Variants in LIPG observed in about 807,000 individuals in gnomAD.
LIPG encodes lipase G, endothelial type.
Under a neutral mutation model 51.8 loss-of-function variants are expected in LIPG, and 34 were observed. The observed-to-expected ratio is 0.66, with a 90% CI of 0.50 to 0.87. The LOEUF (loss-of-function observed/expected upper bound fraction) is 0.87. Among genes scored for constraint, LIPG ranks in the 40% least tolerant of loss-of-function variants. The pLI, the probability that LIPG is intolerant of heterozygous loss-of-function variation, is 0.00. For synonymous variants in LIPG, 246 were observed against 246.1 expected, an observed-to-expected ratio of 1.00 and a Z score of 0.00; for missense variants, 580 against 652.7, an observed-to-expected ratio of 0.89 and a Z score of 1.21.
intron 4 of LIPG, among the ~76,000 whole-genome samples, chr18:49,572,818 A>G (rs946716413): frequency 1.3e-5 from 2 of 151,876 alleles, no homozygotes; most frequent in Non-Finnish European, 2.9e-5. Context: ...GAAGTTTTAC[A>G]TGTGTGCATG....
chr18:49,561,619 C>G (rs2084550358), upstream of LIPG: 52 of 1,174,224 alleles, frequency 4.4e-5, no homozygotes, highest in South Asian at 2.0e-3. Flanking sequence ...TCTCCCCCGA[C>G]GGACTCCCGG....
chr18:49,592,649 A>C lies in LIPG; in HGVS notation c.*2127A>C, dbSNP rs1013543122. On this transcript the variant is annotated 3_prime_UTR_variant, in exon 10 of 10. Transcript: ENST00000261292. Reference sequence around the variant, plus strand: ...GCTCAACCCATATTATTGGCTGTACATCCTGGTCACTTCTGACTTCTGTTT... The same window carrying C: ...GCTCAACCCATATTATTGGCTGTACCTCCTGGTCACTTCTGACTTCTGTTT... The C allele has an allele frequency of 2.6e-5, 4 of 152,616 alleles. No individual in the cohort carries two copies. The East Asian group carries it at 7.6e-4, about 29-fold the overall frequency. The allele number at this position is 152,616 out of a possible 1,614,324, so 9.5% of individuals were successfully genotyped here.
In LIPG at chr18:49,562,257, G is replaced by T. The variant is rs895597013; in HGVS notation, c.-52G>T. 4.3e-6 allele frequency: 7 copies of T among 1,612,078 alleles called. No individual in the cohort carries two copies. Among genetic ancestry groups the T allele is most frequent in the Non-Finnish European group, 5.1e-6 (6 of 1,179,918 alleles). ...GGATTGCTGGAAACACCAAGAGGTG[G>T]TTTTTGTTTTTTAAAACTTCTGTTT... is the stretch of plus-strand genomic sequence containing the variant. On this transcript the variant is annotated 5_prime_UTR_variant, in exon 1 of 10. Coordinates refer to ENST00000261292, the MANE Select transcript of LIPG (RefSeq NM_006033.4).
In LIPG at chr18:49,590,578, C is replaced by A. The variant is rs2084931950; in HGVS notation, c.*56C>A. The A allele has an allele frequency of 7.1e-6, 11 of 1,554,756 alleles. No individual in the cohort carries two copies. In the South Asian group the frequency reaches 9.4e-5, roughly 13 times the overall value. Reference sequence around the variant, plus strand: ...AGCAAGACTTCCTGCTATCCAAGCCCATGGAGGAAAGTTACTGCTGAGGAC... The same window carrying A: ...AGCAAGACTTCCTGCTATCCAAGCCAATGGAGGAAAGTTACTGCTGAGGAC... On this transcript the variant is annotated 3_prime_UTR_variant, in exon 10 of 10. Transcript: ENST00000261292.
intron 2 of LIPG, 82 bp downstream of exon 2, chr18:49,565,580 T>G: frequency 6.7e-7 from 1 of 1,486,052 alleles, no homozygotes; most frequent in South Asian, 1.2e-5. Flanking sequence ...ATTCTGGTGT[T>G]TCCAGATTCC....
At chr18:49,561,516 G>A (rs746422459), upstream of LIPG, 8 of 445,594 alleles carry the variant, frequency 1.8e-5, no homozygotes, top group Non-Finnish European at 3.0e-5. Context: ...GCTCCGCCGG[G>A]TTATTGTGCG....
Position 49,594,083 on chromosome 18 carries a change from A to G in LIPG, c.*3561A>G, listed in dbSNP as rs952577658. On this transcript the variant is annotated 3_prime_UTR_variant, in exon 10 of 10. Transcript: ENST00000261292. Reference sequence around the variant, plus strand: ...CCCTTCAGTGGTATAGGACACTAGAATTTATTCCTCCTGTCTAGCTGTAAT... The same window carrying G: ...CCCTTCAGTGGTATAGGACACTAGAGTTTATTCCTCCTGTCTAGCTGTAAT... The G allele has an allele frequency of 2.6e-5, 4 of 152,064 alleles. No homozygotes were observed. Among genetic ancestry groups the G allele is most frequent in the Non-Finnish European group, 5.9e-5 (4 of 68,010 alleles). 9.4% of individuals were successfully genotyped at this position (152,064 alleles called of 1,614,324 possible).
At chr18:49,569,086 A>C (rs564102705) in intron 3 of LIPG, among the ~76,000 whole-genome samples, 3 of 152,026 alleles carry the variant, frequency 2.0e-5, no homozygotes, top group Non-Finnish European at 4.4e-5. Flanking sequence ...TGCAGTCTCC[A>C]GTGAGTACGG....
chr18:49,590,461 T>C (rs2143984464), intron 9 of LIPG, 40 bp from the exon 10 acceptor site: 2 of 1,587,786 alleles, frequency 1.3e-6, no homozygotes, highest in Non-Finnish European at 1.7e-6. Context: ...TTTGCTGGTG[T>C]GTGAGCTAAC....
chr18:49,573,888 TG>T (rs1396518863), intron 4 of LIPG, among the ~76,000 whole-genome samples: 2 of 152,170 alleles, frequency 1.3e-5, no homozygotes, highest in African/African-American at 4.8e-5. Context: ...TATTGACATT[TG>T]GGGCCAGGTA....
upstream of LIPG, chr18:49,561,873 G>C: frequency 7.8e-7 from 1 of 1,274,712 alleles, no homozygotes; most frequent in Non-Finnish European, 9.9e-7. Flanking sequence ...GCGGGGCCGA[G>C]CGTGCGGCGT....
In LIPG at chr18:49,575,364, T is replaced by G. The variant is rs2084704500; in HGVS notation, c.572-5T>G. 1 of 1,612,042 alleles carries G rather than the reference T, an allele frequency of 6.2e-7. No homozygotes were observed. Among genetic ancestry groups the G allele is most frequent in the Non-Finnish European group, 8.5e-7 (1 of 1,179,782 alleles). On this transcript the variant is annotated splice_polypyrimidine_tract_variant and splice_region_variant and intron_variant, in intron 4 of 9. Coordinates refer to ENST00000261292, the MANE Select transcript of LIPG (RefSeq NM_006033.4). Reference sequence around the variant, plus strand: ...CAGCTGTTTTGGGGCCTCCTTCTGCTGCAGGTTTGGATCCTGCCGGGCCCA... The same window carrying G: ...CAGCTGTTTTGGGGCCTCCTTCTGCGGCAGGTTTGGATCCTGCCGGGCCCA...
In LIPG at chr18:49,569,419, T is replaced by C. The variant is rs752378673; in HGVS notation, c.460-18T>C. 3.7e-6 allele frequency: 6 copies of C among 1,608,166 alleles called. No homozygotes were observed. Among genetic ancestry groups the C allele is most frequent in the Non-Finnish European group, 3.4e-6 (4 of 1,174,590 alleles). On this transcript the variant is annotated intron_variant, in intron 3 of 9. Coordinates refer to ENST00000261292, the MANE Select transcript of LIPG (RefSeq NM_006033.4). ...GGACCCTGCTCTTCTGCTCACATAC[T>C]TTGGTGACTTTCTATAGGAGAAGGA...
At chr18:49,578,781 G>A (rs1471146676) in intron 5 of LIPG, among the ~76,000 whole-genome samples, 4 of 151,290 alleles carry the variant, frequency 2.6e-5, no homozygotes, top group Non-Finnish European at 4.4e-5. Context: ...GGCACCTCGG[G>A]AGGCCAAGGC....
chr18:49,567,213 T>A (rs1264672971), intron 2 of LIPG, among the ~76,000 whole-genome samples: 1 of 151,984 alleles, frequency 6.6e-6, no homozygotes, highest in Non-Finnish European at 1.5e-5. Context: ...GGCATATGCC[T>A]GTAACCCAGT....
chr18:49,583,004 C>T lies in LIPG; in HGVS notation c.1157+522C>T, dbSNP rs951302159. 4.6e-5 allele frequency among the ~76,000 whole-genome samples: 7 copies of T among 152,152 alleles called. No individual in the cohort carries two copies. In the South Asian group the frequency reaches 6.2e-4, roughly 14 times the overall value. On this transcript the variant is annotated intron_variant, in intron 7 of 9. Transcript: ENST00000261292. ...CTAGCTGGGAGACCAGGTTTGTACACGCACGTGCACACTTACACACAGGTA... is the reference window on the plus strand; with the variant it reads ...CTAGCTGGGAGACCAGGTTTGTACATGCACGTGCACACTTACACACAGGTA...
At position 49,592,497 on chromosome 18, in the gene LIPG, T is replaced by G. The variant is rs2084955706; in HGVS notation, c.*1975T>G. ...GGGTAATTTTATACGATATTTTAAA[T>G]AGTTGTGTACATGAAGCATGGTTTG... On this transcript the variant is annotated 3_prime_UTR_variant, in exon 10 of 10. Coordinates refer to ENST00000261292, the MANE Select transcript of LIPG (RefSeq NM_006033.4). 6.6e-6 allele frequency: 1 copy of G among 152,308 alleles called. No homozygotes were observed. The highest frequency in any genetic ancestry group is 6.5e-5 in the Admixed American group (1 of 15,284). The allele number at this position is 152,308 out of a possible 1,614,324, so 9.4% of individuals were successfully genotyped here. A position where few individuals can be genotyped will look rare whatever the true frequency, so the allele number is the denominator to read the frequency against.
Position 49,594,210 on chromosome 18 carries a change from C to G in LIPG, c.*3688C>G, listed in dbSNP as rs1023691844. 1 of 152,218 alleles carries G rather than the reference C, an allele frequency of 6.6e-6. No individual in the cohort carries two copies. The highest frequency in any genetic ancestry group is 1.5e-5 in the Non-Finnish European group (1 of 68,082). 9.4% of individuals were successfully genotyped at this position (152,218 alleles called of 1,614,324 possible). On this transcript the variant is annotated 3_prime_UTR_variant, in exon 10 of 10. Coordinates refer to ENST00000261292, the MANE Select transcript of LIPG (RefSeq NM_006033.4). ...AGTGCAGGGGCATGATCTTGGCCCA[C>G]TGCAACCTCCGCCTCCTGGGTTCAA... is the stretch of plus-strand genomic sequence containing the variant.
At chr18:49,583,969 C>G (rs1453697553) in intron 8 of LIPG, among the ~76,000 whole-genome samples, 195 bp downstream of exon 8, 2 of 152,198 alleles carry the variant, frequency 1.3e-5, no homozygotes, top group African/African-American at 2.4e-5. Context: ...ATCTCATGCC[C>G]TGAACATGGG....
Sources: allele counts gnomAD v4.1 joint callset (sites outside exome capture counted in the v4.1 genomes callset), GRCh38; gene constraint gnomAD v4.1.1; transcripts MANE v1.5; gene names NCBI Gene and HGNC (gene_info 2026-07-23, HGNC 2026-07-21).